DPP6: variants seen among roughly 807,000 people sequenced by gnomAD.
The protein encoded by DPP6 is A-type potassium channel modulatory protein DPP6.
In DPP6, 69 loss-of-function variants were observed where a neutral mutation model predicts 122.6. The ratio of observed to expected loss-of-function variants is 0.56; its 90% CI spans 0.46 to 0.69. DPP6 has a LOEUF of 0.69. Ranked by LOEUF, DPP6 falls within the 30% of genes least tolerant of loss-of-function variation. The pLI is 0.00. For missense variants in DPP6, 928 were observed against 1,116.9 expected, an observed-to-expected ratio of 0.83 and a Z score of 2.41; for synonymous variants, 418 against 433.1, an observed-to-expected ratio of 0.97 and a Z score of 0.43.
chr7:154,025,244 C>G (rs902013998), intron 1 of DPP6, among the ~76,000 whole-genome samples: 5 of 145,334 alleles, frequency 3.4e-5, no homozygotes, highest in African/African-American at 1.0e-4. Context: ...TCAGAAGACA[C>G]TATCTTGAGG....
chr7:154,442,973 G>A (rs998584633), intron 1 of DPP6, among the ~76,000 whole-genome samples: 14 of 152,064 alleles, frequency 9.2e-5, no homozygotes, highest in African/African-American at 3.4e-4. Flanking sequence ...ACACACTGCT[G>A]TGCTCACACC....
intron 1 of DPP6, among the ~76,000 whole-genome samples, chr7:154,060,678 C>T (rs1801670275): frequency 1.4e-5 from 2 of 147,506 alleles, no homozygotes; most frequent in African/African-American, 2.5e-5. Flanking sequence ...TGAGAGCTAT[C>T]CCCTCTTCCG....
At chr7:154,067,932 T>A (rs1399539110) in intron 1 of DPP6, among the ~76,000 whole-genome samples, 1 of 135,174 alleles carries the variant, frequency 7.4e-6, no homozygotes, top group African/African-American at 3.9e-5. Flanking sequence ...GTTTGTTTGT[T>A]TGTTTTTTTG....
At position 154,821,705 on chromosome 7, in the gene DPP6, C is replaced by CAT. The variant is rs201000119; in HGVS notation, c.1666+14603_1666+14604dup. Among the ~76,000 whole-genome samples the CAT allele has an allele frequency of 1.2e-4, 17 of 139,866 alleles. No individual in the cohort carries two copies. The highest frequency in any genetic ancestry group is 1.0e-3 in the East Asian group (5 of 4,806). 91.8% of individuals were successfully genotyped at this position (139,866 alleles called of 152,430 possible). A position where few individuals can be genotyped will look rare whatever the true frequency, so the allele number is the denominator to read the frequency against. Reference sequence around the variant, plus strand: ...ACACACATATATATATACACACACACATATATATATACAGAAAAAACATGG... The same window carrying CAT: ...ACACACATATATATATACACACACACATATATATATATACAGAAAAAACATGG... On this transcript the variant is annotated intron_variant, in intron 16 of 25. Transcript: ENST00000377770. The surrounding 1 kb of genome is among the most constrained non-coding windows in gnomAD (Gnocchi z 4.2).
chr7:154,454,274 G>T (rs1219745297), intron 2 of DPP6, among the ~76,000 whole-genome samples: 7 of 152,194 alleles, frequency 4.6e-5, no homozygotes, highest in Admixed American at 4.6e-4. Context: ...GACTGGATTG[G>T]GGATGGTGTC....
chr7:154,538,147 G>A (rs1031210050), intron 3 of DPP6, among the ~76,000 whole-genome samples: 2 of 152,152 alleles, frequency 1.3e-5, no homozygotes, highest in African/African-American at 2.4e-5. Flanking sequence ...GTAATCATAC[G>A]TTCTAATTCT....
rs567110435 is a variant in DPP6 at position 154,357,836 on chromosome 7, GGAGGCT to G, written c.244-88372_244-88367del. On this transcript the variant is annotated intron_variant, in intron 1 of 25. Transcript: ENST00000377770. ...ACATGCCTGTAATCCCAACTACTCG[GGAGGCT>G]GAGGCAGGAGAATCACCTGAACCCG... Among the ~76,000 whole-genome samples the G allele has an allele frequency of 8.7e-4, 132 of 152,126 alleles. 1 individual carries two copies. Among genetic ancestry groups the G allele is most frequent in the African/African-American group, 3.0e-3 (126 of 41,492 alleles).
intron 16 of DPP6, among the ~76,000 whole-genome samples, chr7:154,820,630 G>T (rs1050187998): frequency 1.3e-5 from 2 of 152,070 alleles, no homozygotes; most frequent in African/African-American, 2.4e-5. Flanking sequence ...CAACCAAAAG[G>T]CTTCCCAGAG....
chr7:154,297,068 T>A (rs7797883), intron 1 of DPP6, among the ~76,000 whole-genome samples: 59,173 of 129,398 alleles, frequency 0.46, 14,599 homozygotes, highest in African/African-American at 0.73. Flanking sequence ...ATTCTGTTTT[T>A]TTTTTTTTGT....
At chr7:154,126,833 G>T (rs552309742) in intron 1 of DPP6, among the ~76,000 whole-genome samples, 1 of 152,130 alleles carries the variant, frequency 6.6e-6, no homozygotes, top group Non-Finnish European at 1.5e-5. Context: ...TTTGCCTTCC[G>T]AATATACTCA....
At chr7:154,653,065 A>G (rs1271455267) in intron 6 of DPP6, among the ~76,000 whole-genome samples, 1 of 152,228 alleles carries the variant, frequency 6.6e-6, no homozygotes, top group African/African-American at 2.4e-5. Context: ...CAGGCCAAAA[A>G]GAAATAAGAT....
At chr7:154,773,640 C>T (rs1050890171) in intron 10 of DPP6, among the ~76,000 whole-genome samples, 3 of 152,100 alleles carry the variant, frequency 2.0e-5, no homozygotes, top group Admixed American at 6.6e-5. Flanking sequence ...TTTAGGGGTG[C>T]CAGGACCCAC....
chr7:154,414,515 T>C (rs957364987), intron 1 of DPP6, among the ~76,000 whole-genome samples: 6 of 152,176 alleles, frequency 3.9e-5, no homozygotes, highest in Non-Finnish European at 8.8e-5. Context: ...CCCTTATCAC[T>C]TCTTTTTATC....
intron 8 of DPP6, among the ~76,000 whole-genome samples, chr7:154,740,404 T>C (rs57755081): frequency 7.9e-5 from 12 of 152,150 alleles, no homozygotes; most frequent in East Asian, 7.8e-4. Flanking sequence ...AGAAGGAAGA[T>C]AGGCAACAAG....
intron 1 of DPP6, among the ~76,000 whole-genome samples, chr7:154,247,978 G>A (rs994380272): frequency 3.9e-5 from 6 of 152,162 alleles, no homozygotes; most frequent in Non-Finnish European, 7.4e-5. Flanking sequence ...CAAAAGAAAT[G>A]TATTTCTCAC....
At chr7:154,682,194 A>C (rs142236155) in intron 7 of DPP6, among the ~76,000 whole-genome samples, 55 of 152,384 alleles carry the variant, frequency 3.6e-4, no homozygotes, top group Non-Finnish European at 5.4e-4. Flanking sequence ...AGCAATACCA[A>C]GGAAGAAAAT....
intron 7 of DPP6, among the ~76,000 whole-genome samples, chr7:154,686,511 T>G (rs576552892): frequency 6.6e-6 from 1 of 152,224 alleles, no homozygotes; most frequent in African/African-American, 2.4e-5. Flanking sequence ...CACTGAGCAT[T>G]CTCAAAGGGA....
rs188952206 is a variant in DPP6 at position 154,265,779 on chromosome 7, A to T, written c.244-180435A>T. On this transcript the variant is annotated intron_variant, in intron 1 of 25. Coordinates refer to ENST00000377770, the MANE Select transcript of DPP6 (RefSeq NM_130797.4). ...ATAGGTTTTATTGTATTTCTTTTTA[A>T]AAAAATATACAAGTGAGTATTCTCT... Among the ~76,000 whole-genome samples, 1,175 of 152,256 alleles carry T rather than the reference A, an allele frequency of 7.7e-3. 24 individuals carry two copies. The highest frequency in any genetic ancestry group is 0.025 in the African/African-American group (1,054 of 41,556).
intron 6 of DPP6, among the ~76,000 whole-genome samples, chr7:154,668,752 C>T (rs1838359431): frequency 6.6e-6 from 1 of 152,100 alleles, no homozygotes; most frequent in South Asian, 2.1e-4. Flanking sequence ...CTCACTATAA[C>T]CTTTAAGTAC....
Sources: allele counts gnomAD v4.1 joint callset (sites outside exome capture counted in the v4.1 genomes callset), GRCh38; gene constraint gnomAD v4.1.1; non-coding constraint Gnocchi (gnomAD v3.1); transcripts MANE v1.5; gene names NCBI Gene and HGNC (gene_info 2026-07-23, HGNC 2026-07-21).